NKAIN2: variants seen among roughly 807,000 people sequenced by gnomAD.
NKAIN2 encodes the protein sodium/potassium transporting ATPase interacting 2.
In NKAIN2, 14 loss-of-function variants were observed where a neutral mutation model predicts 32.6. The ratio of observed to expected loss-of-function variants is 0.43; its 90% CI spans 0.28 to 0.67. The LOEUF (loss-of-function observed/expected upper bound fraction) is 0.67, where lower values mean the gene tolerates loss of function less well. Among genes scored for constraint, NKAIN2 ranks in the 30% least tolerant of loss-of-function variants. NKAIN2 has a pLI of 0.17. For missense variants in NKAIN2, 198 were observed against 258.3 expected, an observed-to-expected ratio of 0.77 and a Z score of 1.60; for synonymous variants, 80 against 87.2, an observed-to-expected ratio of 0.92 and a Z score of 0.46.
intron 1 of NKAIN2, among the ~76,000 whole-genome samples, chr6:123,975,083 G>T (rs1362158611): frequency 1.3e-5 from 2 of 152,138 alleles, no homozygotes; most frequent in African/African-American, 4.8e-5. Flanking sequence ...AGAAAATAAA[G>T]TTATTAACCT....
At chr6:124,634,092 A>AG (rs1304929246) in intron 3 of NKAIN2, among the ~76,000 whole-genome samples, 3 of 151,662 alleles carry the variant, frequency 2.0e-5, no homozygotes, top group East Asian at 1.9e-4. Flanking sequence ...ATACATCTAC[A>AG]GGGGAAAAAA....
intron 1 of NKAIN2, among the ~76,000 whole-genome samples, chr6:123,873,111 A>C (rs943583252): frequency 6.6e-6 from 1 of 152,222 alleles, no homozygotes; most frequent in African/African-American, 2.4e-5. Context: ...ATTAATAGAA[A>C]TATGAGATAG....
chr6:124,059,953 AG>A (rs1305884298), intron 1 of NKAIN2, among the ~76,000 whole-genome samples: 1 of 152,128 alleles, frequency 6.6e-6, no homozygotes, highest in African/African-American at 2.4e-5. Flanking sequence ...TGAAACAAAT[AG>A]TTTCCTTGTA....
rs1445101718 is a variant in NKAIN2 at position 124,473,002 on chromosome 6, C to T, written c.273+117655C>T. ...CTCGCTGGAGAATAGCAGGACTCAC[C>T]AGTGATTATACATCCAACCAGACAG... On this transcript the variant is annotated intron_variant, in intron 3 of 6. Coordinates refer to ENST00000368417, the MANE Select transcript of NKAIN2 (RefSeq NM_001040214.3). Among the ~76,000 whole-genome samples the T allele has an allele frequency of 2.0e-5, 3 of 152,066 alleles. No homozygotes were observed. The East Asian group carries it at 5.8e-4, about 29-fold the overall frequency.
intron 1 of NKAIN2, among the ~76,000 whole-genome samples, chr6:124,253,086 C>T (rs773637367): frequency 6.6e-6 from 1 of 152,086 alleles, no homozygotes; most frequent in South Asian, 2.1e-4. Flanking sequence ...AATGACATGG[C>T]GGAGAATTGA....
chr6:123,843,891 G>A (rs1774984394), intron 1 of NKAIN2, among the ~76,000 whole-genome samples: 1 of 152,134 alleles, frequency 6.6e-6, no homozygotes, highest in Non-Finnish European at 1.5e-5. Context: ...AAGAATAGGT[G>A]ATAGCCTGTG....
chr6:124,121,952 C>A, intron 1 of NKAIN2: 1 of 1,112,176 alleles, frequency 9.0e-7, no homozygotes, highest in Non-Finnish European at 1.2e-6. Flanking sequence ...GTGAGTTTTT[C>A]AGAGTAATAT....
At chr6:123,953,066 T>C (rs1352977698) in intron 1 of NKAIN2, among the ~76,000 whole-genome samples, 1 of 152,178 alleles carries the variant, frequency 6.6e-6, no homozygotes, top group Non-Finnish European at 1.5e-5. Flanking sequence ...TCTATGGTAT[T>C]GGTTGGGTAG....
intron 1 of NKAIN2, among the ~76,000 whole-genome samples, chr6:124,235,510 CT>C (rs904156435): frequency 3.3e-5 from 5 of 151,882 alleles, no homozygotes; most frequent in African/African-American, 1.2e-4. Context: ...AGAGCTGCAG[CT>C]TTAAATTTTG....
intron 3 of NKAIN2, among the ~76,000 whole-genome samples, chr6:124,505,355 A>G (rs1050854239): frequency 3.3e-5 from 5 of 152,184 alleles, no homozygotes; most frequent in African/African-American, 1.2e-4. Context: ...AGCTCTGTGT[A>G]GCTCCTCTAA....
At chr6:124,527,611 G>A (rs1389808594) in intron 3 of NKAIN2, among the ~76,000 whole-genome samples, 1 of 152,100 alleles carries the variant, frequency 6.6e-6, no homozygotes, top group Non-Finnish European at 1.5e-5. Context: ...TAATGGTTGA[G>A]CACCTACAAT....
intron 1 of NKAIN2, among the ~76,000 whole-genome samples, chr6:124,155,415 C>A (rs988428279): frequency 3.3e-5 from 5 of 151,462 alleles, no homozygotes; most frequent in Admixed American, 3.3e-4. Context: ...TACTGTGTAC[C>A]CCATAAATAT....
intron 1 of NKAIN2, among the ~76,000 whole-genome samples, chr6:124,186,153 A>G (rs7758354): frequency 3.2e-4 from 41 of 127,064 alleles, no homozygotes; most frequent in East Asian, 1.8e-3. Context: ...GGAAGGAAGG[A>G]AGGGAGGGAG....
At chr6:124,576,370 C>T (rs751602402) in intron 3 of NKAIN2, among the ~76,000 whole-genome samples, 94 of 151,948 alleles carry the variant, frequency 6.2e-4, no homozygotes, top group African/African-American at 6.5e-4. Flanking sequence ...TGGACAAATG[C>T]GCCTGTCATT....
chr6:124,790,007 A>G (rs1163049889), intron 4 of NKAIN2, among the ~76,000 whole-genome samples: 1 of 151,988 alleles, frequency 6.6e-6, no homozygotes, highest in East Asian at 1.9e-4. Context: ...GCGTTTGAAG[A>G]CTGTGTTGCG....
At chr6:124,698,297 T>A (rs916375873) in intron 4 of NKAIN2, among the ~76,000 whole-genome samples, 1 of 152,174 alleles carries the variant, frequency 6.6e-6, no homozygotes, top group Non-Finnish European at 1.5e-5. Flanking sequence ...TGCTTCATCA[T>A]AAAATTGACC....
At chr6:124,597,177 A>G (rs1051493364) in intron 3 of NKAIN2, among the ~76,000 whole-genome samples, 7 of 152,260 alleles carry the variant, frequency 4.6e-5, no homozygotes, top group African/African-American at 1.7e-4. Flanking sequence ...TGGGCACTTC[A>G]TGGCCAGTCA....
intron 4 of NKAIN2, among the ~76,000 whole-genome samples, chr6:124,682,105 C>T (rs1367775135): frequency 1.3e-5 from 2 of 151,396 alleles, no homozygotes; most frequent in Admixed American, 1.3e-4. Flanking sequence ...TATATAAATC[C>T]AAGCTTTTCA....
chr6:124,002,118 T>C (rs1314244605), intron 1 of NKAIN2, among the ~76,000 whole-genome samples: 1 of 152,064 alleles, frequency 6.6e-6, no homozygotes, highest in Admixed American at 6.6e-5. Flanking sequence ...AATGTTAATA[T>C]ATTAAAATTA....
Sources: allele counts gnomAD v4.1 joint callset (sites outside exome capture counted in the v4.1 genomes callset), GRCh38; gene constraint gnomAD v4.1.1; transcripts MANE v1.5; gene names NCBI Gene and HGNC (gene_info 2026-07-23, HGNC 2026-07-21).